The following MSRA variants were observed in gnomAD, a reference collection of about 807,000 sequenced individuals.
The protein encoded by MSRA is mitochondrial peptide methionine sulfoxide reductase.
A neutral mutation model predicts 31.3 loss-of-function variants in MSRA; 54 were observed. That is an observed-to-expected ratio of 1.73 (90% CI 1.39 to 2.17). The LOEUF (loss-of-function observed/expected upper bound fraction) is 2.17, where lower values mean the gene tolerates loss of function less well. MSRA is among the 30% of genes most tolerant of loss of function. The pLI is 0.00. For synonymous variants in MSRA, 169 were observed against 116.5 expected, an observed-to-expected ratio of 1.45 and a Z score of -2.90; for missense variants, 507 against 300.9, an observed-to-expected ratio of 1.69 and a Z score of -5.07.
chr8:10,178,485 T>C (rs1229955629), intron 1 of MSRA, among the ~76,000 whole-genome samples: 2 of 152,142 alleles, frequency 1.3e-5, no homozygotes, highest in Non-Finnish European at 2.9e-5. Context: ...AGGAAAGTAA[T>C]TGAAAAAAAC....
At chr8:10,211,437 A>G (rs1448019339) in intron 2 of MSRA, among the ~76,000 whole-genome samples, 1 of 152,114 alleles carries the variant, frequency 6.6e-6, no homozygotes, top group Non-Finnish European at 1.5e-5. Flanking sequence ...GAACGAAGGT[A>G]ATAGGCTTGG....
chr8:10,136,764 A>G (rs1023366461), intron 1 of MSRA, among the ~76,000 whole-genome samples: 1 of 152,124 alleles, frequency 6.6e-6, no homozygotes, highest in African/African-American at 2.4e-5. Context: ...CCCTCCTTGC[A>G]GGACACACTT....
chr8:10,114,518 TTA>T, intron 1 of MSRA, among the ~76,000 whole-genome samples: 1 of 152,012 alleles, frequency 6.6e-6, no homozygotes, highest in East Asian at 1.9e-4. Flanking sequence ...TTATTATTTT[TTA>T]AATGACAGCC....
chr8:10,313,244 C>T (rs1480641070), intron 4 of MSRA, among the ~76,000 whole-genome samples: 2 of 152,182 alleles, frequency 1.3e-5, no homozygotes, highest in Non-Finnish European at 2.9e-5. Context: ...CTGCTGAATG[C>T]TAATGCCAAG....
chr8:10,076,779 A>G (rs978027976), intron 1 of MSRA, among the ~76,000 whole-genome samples: 3 of 151,922 alleles, frequency 2.0e-5, no homozygotes, highest in Non-Finnish European at 4.4e-5. Context: ...AAGTGTCTCC[A>G]CCCAGCTCCG....
At chr8:10,161,418 G>C (rs1394910256) in intron 1 of MSRA, among the ~76,000 whole-genome samples, 2 of 152,118 alleles carry the variant, frequency 1.3e-5, no homozygotes, top group African/African-American at 2.4e-5. Flanking sequence ...TGCTGAATTT[G>C]ATTTACCCTG....
At chr8:10,273,550 A>G (rs1799155762) in intron 3 of MSRA, among the ~76,000 whole-genome samples, 1 of 152,208 alleles carries the variant, frequency 6.6e-6, no homozygotes, top group Non-Finnish European at 1.5e-5. Flanking sequence ...TGTAAGTTTT[A>G]TAATCATGAG....
intron 5 of MSRA, among the ~76,000 whole-genome samples, chr8:10,378,349 C>A (rs1363338953): frequency 6.6e-6 from 1 of 152,160 alleles, no homozygotes; most frequent in Non-Finnish European, 1.5e-5. Flanking sequence ...GGCAGCTGCC[C>A]CAAGGAACAT....
intron 5 of MSRA, among the ~76,000 whole-genome samples, chr8:10,338,840 C>A (rs1042418714): frequency 3.9e-5 from 6 of 152,146 alleles, no homozygotes; most frequent in African/African-American, 1.2e-4. Flanking sequence ...GCAACCCTTG[C>A]CCTGATCACT....
rs115982255 is a variant in MSRA at position 10,388,766 on chromosome 8, T to A, written c.544-39382T>A. ...ACGTTTGGAGCCAGATAATTCCGTG[T>A]TGGGGGAGGGGAAGCTGTTCTACGC... is the stretch of plus-strand genomic sequence containing the variant. On this transcript the variant is annotated intron_variant, in intron 5 of 5. Coordinates refer to ENST00000317173, the MANE Select transcript of MSRA (RefSeq NM_012331.5). 3.9e-5 allele frequency among the ~76,000 whole-genome samples: 6 copies of A among 152,078 alleles called. No individual in the cohort carries two copies. The South Asian group carries it at 1.0e-3, about 26-fold the overall frequency.
intron 5 of MSRA, among the ~76,000 whole-genome samples, chr8:10,328,848 T>C (rs1802528912): frequency 6.6e-6 from 1 of 152,216 alleles, no homozygotes; most frequent in Non-Finnish European, 1.5e-5. Flanking sequence ...GTGAACCTCA[T>C]AAAGGATGGT....
At chr8:10,290,719 CA>C (rs1164124357) in intron 3 of MSRA, among the ~76,000 whole-genome samples, 1 of 152,206 alleles carries the variant, frequency 6.6e-6, no homozygotes, top group African/African-American at 2.4e-5. Context: ...AAGGCACACA[CA>C]GACCTCTTTT....
intron 1 of MSRA, among the ~76,000 whole-genome samples, chr8:10,124,825 A>G (rs1391613286): frequency 6.6e-6 from 1 of 152,146 alleles, no homozygotes; most frequent in Non-Finnish European, 1.5e-5. Flanking sequence ...ATTGGGTAAT[A>G]TGAATAATTC....
intron 5 of MSRA, among the ~76,000 whole-genome samples, chr8:10,400,387 T>C (rs7820356): frequency 5.2e-4 from 77 of 149,430 alleles, no homozygotes; most frequent in East Asian, 4.0e-3. Flanking sequence ...GTGTGTGTAG[T>C]GTGTAGTGTG....
intron 2 of MSRA, among the ~76,000 whole-genome samples, chr8:10,243,131 T>TA (rs1298717005): frequency 6.6e-6 from 1 of 152,200 alleles, no homozygotes; most frequent in Non-Finnish European, 1.5e-5. Flanking sequence ...GGCTAGCTAC[T>TA]AAAATGGCCT....
chr8:10,237,083 TCAC>T (rs1334624494), intron 2 of MSRA, among the ~76,000 whole-genome samples: 1 of 152,214 alleles, frequency 6.6e-6, no homozygotes, highest in Non-Finnish European at 1.5e-5. Flanking sequence ...CACACTAAAA[TCAC>T]CTGTTAAGTA....
intron 5 of MSRA, among the ~76,000 whole-genome samples, chr8:10,359,015 C>G (rs1315714943): frequency 1.3e-5 from 2 of 152,172 alleles, no homozygotes; most frequent in Non-Finnish European, 2.9e-5. Context: ...CAAAAACATT[C>G]CCTTATCCCC....
chr8:10,414,929 A>G (rs11775625), intron 5 of MSRA, among the ~76,000 whole-genome samples: 79,705 of 152,086 alleles, frequency 0.52, 22,215 homozygotes, highest in Non-Finnish European at 0.63. Flanking sequence ...GAGAAGATCC[A>G]TGTCTCCCGA....
chr8:10,057,267 G>A (rs1802425286), intron 1 of MSRA, among the ~76,000 whole-genome samples: 1 of 152,168 alleles, frequency 6.6e-6, no homozygotes, highest in Admixed American at 6.5e-5. Context: ...AGGGCACACG[G>A]CAATGTGTCT....
Sources: allele counts gnomAD v4.1 joint callset (sites outside exome capture counted in the v4.1 genomes callset), GRCh38; gene constraint gnomAD v4.1.1; transcripts MANE v1.5; gene names NCBI Gene and HGNC (gene_info 2026-07-23, HGNC 2026-07-21).